The following GRM7 variants were observed in gnomAD, a reference collection of about 807,000 sequenced individuals.
The protein encoded by GRM7 is glutamate metabotropic receptor 7, also known as metabotropic glutamate receptor 7.
GRM7 carries 35 observed loss-of-function variants against 84.5 expected under a neutral mutation model. That is an observed-to-expected ratio of 0.41 (90% CI 0.32 to 0.55). The LOEUF is 0.55. Ranked by LOEUF, GRM7 falls within the 20% of genes least tolerant of loss-of-function variation. GRM7 has a pLI of 0.19. For missense variants in GRM7, 1,003 were observed against 1,194.6 expected (o/e 0.84, Z 2.36); for synonymous variants, 487 against 455.1 (o/e 1.07, Z -0.89).
In GRM7 at chr3:7,486,564, A is replaced by C. The variant is rs1387204148; in HGVS notation, c.1515+24842A>C. 6.6e-6 allele frequency among the ~76,000 whole-genome samples: 1 copy of C among 152,106 alleles called. No homozygotes were observed. The highest frequency in any genetic ancestry group is 6.5e-5 in the Admixed American group (1 of 15,274). ...CCAGAAAAGTGGGGTGCTATACAGC[A>C]AGTCTGCCTCACAAGTTTGTTCTCT... On this transcript the variant is annotated intron_variant, in intron 7 of 9. Transcript: ENST00000357716. This position sits in a 1 kb window ranked among gnomAD's most constrained non-coding sequence, Gnocchi z 5.5.
At chr3:7,276,207 ATGTGTG>A (rs923161861) in intron 2 of GRM7, among the ~76,000 whole-genome samples, 22 of 96,698 alleles carry the variant, frequency 2.3e-4, no homozygotes, top group Non-Finnish European at 4.0e-4. Context: ...ATATATATAT[ATGTGTG>A]TGTGTGTGTG....
intron 2 of GRM7, among the ~76,000 whole-genome samples, chr3:7,276,416 C>T (rs1699059210): frequency 6.6e-6 from 1 of 151,734 alleles, no homozygotes; most frequent in Non-Finnish European, 1.5e-5. Flanking sequence ...TATGCAGCGG[C>T]CACTTAAAGA....
chr3:7,489,353 T>G (rs1264806145), intron 7 of GRM7, among the ~76,000 whole-genome samples: 1 of 152,200 alleles, frequency 6.6e-6, no homozygotes, highest in Non-Finnish European at 1.5e-5. Flanking sequence ...TCATCTAATT[T>G]AGTATCCACA....
At chr3:7,520,368 T>C (rs1700549823) in intron 7 of GRM7, 1 of 152,200 alleles carries the variant, frequency 6.6e-6, no homozygotes, top group Non-Finnish European at 1.5e-5. Context: ...GTCAGCCAGG[T>C]ATGTATCCAG....
intron 2 of GRM7, among the ~76,000 whole-genome samples, chr3:7,235,621 A>G (rs1214135038): frequency 6.6e-6 from 1 of 152,218 alleles, no homozygotes; most frequent in Non-Finnish European, 1.5e-5. Flanking sequence ...CTCATCCATC[A>G]TACATTTATA....
chr3:7,512,340 G>A lies in GRM7; in HGVS notation c.1515+50618G>A, dbSNP rs370194688. Among the ~76,000 whole-genome samples the A allele has an allele frequency of 6.6e-4, 101 of 152,268 alleles. 2 individuals carry two copies. Among genetic ancestry groups the A allele is most frequent in the Middle Eastern group, 3.4e-3 (1 of 294 alleles). On this transcript the variant is annotated intron_variant, in intron 7 of 9. Coordinates refer to ENST00000357716, the MANE Select transcript of GRM7 (RefSeq NM_000844.4). Reference sequence around the variant, plus strand: ...ATTCAGTTATTATTTTTTAAGTGAAGTGTAATAGATAGATAGATAAGAGAT... The same window carrying A: ...ATTCAGTTATTATTTTTTAAGTGAAATGTAATAGATAGATAGATAAGAGAT...
intron 5 of GRM7, among the ~76,000 whole-genome samples, chr3:7,420,542 C>T (rs530603596): frequency 2.0e-5 from 3 of 152,240 alleles, no homozygotes; most frequent in African/African-American, 4.8e-5. Context: ...GATTTCATCT[C>T]TGTGAGCATG....
At chr3:7,705,243 G>T (rs756125064) in intron 9 of GRM7, among the ~76,000 whole-genome samples, 2 of 152,132 alleles carry the variant, frequency 1.3e-5, no homozygotes, top group African/African-American at 2.4e-5. Context: ...ACATCTGAAA[G>T]AACTTCTTAG....
At chr3:7,561,926 G>A (rs913758683) in intron 7 of GRM7, among the ~76,000 whole-genome samples, 23 of 152,062 alleles carry the variant, frequency 1.5e-4, no homozygotes, top group African/African-American at 5.6e-4. Context: ...GGCAGTGGGT[G>A]GTGACTTACA....
intron 5 of GRM7, among the ~76,000 whole-genome samples, chr3:7,442,141 G>A (rs972874650): frequency 2.0e-5 from 3 of 151,882 alleles, no homozygotes; most frequent in African/African-American, 7.3e-5. Context: ...GTTTGTTTGT[G>A]TCATCTCTTA....
At chr3:7,512,586 AT>A (rs55868423) in intron 7 of GRM7, among the ~76,000 whole-genome samples, 36,659 of 144,970 alleles carry the variant, frequency 0.25, 4,739 homozygotes, top group African/African-American at 0.34. Context: ...TTTGTTTTAG[AT>A]TTTTTTTTTT....
At chr3:7,099,246 GAATACATGTATTATACATGTATA>G (rs1698968200) in intron 1 of GRM7, among the ~76,000 whole-genome samples, 2 of 95,520 alleles carry the variant, frequency 2.1e-5, no homozygotes, top group Non-Finnish European at 1.9e-5. Flanking sequence ...ATGTATATAT[GAATACATGTATTATACATGTATA>G]TATGAATACA....
chr3:7,686,384 T>C, intron 9 of GRM7: 1 of 1,530,630 alleles, frequency 6.5e-7, no homozygotes, highest in South Asian at 1.1e-5. Flanking sequence ...AGAAAGAGTG[T>C]ACAAAAGTCT....
intron 8 of GRM7, among the ~76,000 whole-genome samples, chr3:7,672,667 C>T (rs1425039747): frequency 2.1e-5 from 3 of 144,336 alleles, no homozygotes; most frequent in South Asian, 4.3e-4. Context: ...TGCAGTGGTG[C>T]AATCTCAGCT....
At chr3:7,401,267 C>A (rs1445848119) in intron 4 of GRM7, among the ~76,000 whole-genome samples, 1 of 152,110 alleles carries the variant, frequency 6.6e-6, no homozygotes, top group Non-Finnish European at 1.5e-5. Context: ...CAGGCCCTGC[C>A]AGTAACTGTC....
intron 2 of GRM7, among the ~76,000 whole-genome samples, chr3:7,158,576 G>T (rs1694528050): frequency 1.3e-5 from 2 of 152,110 alleles, no homozygotes; most frequent in Admixed American, 1.3e-4. Flanking sequence ...TAATATGAAA[G>T]ATTATGCACT....
At chr3:7,100,898 G>C (rs1699088630) in intron 1 of GRM7, among the ~76,000 whole-genome samples, 1 of 151,592 alleles carries the variant, frequency 6.6e-6, no homozygotes, top group Admixed American at 6.6e-5. Flanking sequence ...ACATGTTTTT[G>C]AGATTCATCT....
intron 1 of GRM7, among the ~76,000 whole-genome samples, chr3:6,945,145 T>C (rs1698018685): frequency 6.6e-6 from 1 of 152,058 alleles, no homozygotes; most frequent in African/African-American, 2.4e-5. Flanking sequence ...ATGTGCCATG[T>C]TGGTGTGATG....
chr3:7,128,784 A>C (rs73122309), intron 1 of GRM7, among the ~76,000 whole-genome samples: 1,781 of 151,998 alleles, frequency 0.012, 35 homozygotes, highest in African/African-American at 0.041. Flanking sequence ...CTAGGATTGC[A>C]GGCGTAAGCC....
Sources: gnomAD v4.1 joint callset for allele counts (sites outside exome capture counted in the v4.1 genomes callset) on GRCh38, gnomAD v4.1.1 for gene constraint, Gnocchi (gnomAD v3.1) non-coding constraint, MANE v1.5 for transcripts, NCBI Gene and HGNC (gene_info 2026-07-23, HGNC 2026-07-21) for gene names.